Variants in ADAMTS17 observed in about 807,000 individuals in gnomAD.
The protein encoded by ADAMTS17 is ADAM metallopeptidase with thrombospondin type 1 motif 17.
A neutral mutation model predicts 141.5 loss-of-function variants in ADAMTS17; 113 were observed. The ratio of observed to expected loss-of-function variants is 0.80; its 90% CI spans 0.69 to 0.93. The LOEUF (loss-of-function observed/expected upper bound fraction) is 0.93, where lower values mean the gene tolerates loss of function less well. Ranked by LOEUF, ADAMTS17 falls within the 40% of genes least tolerant of loss-of-function variation. ADAMTS17 has a pLI of 0.00. For synonymous variants in ADAMTS17, 768 were observed against 630.6 expected, an observed-to-expected ratio of 1.22 and a Z score of -3.27; for missense variants, 1,659 against 1,517.9, an observed-to-expected ratio of 1.09 and a Z score of -1.54.
intron 18 of ADAMTS17, among the ~76,000 whole-genome samples, chr15:100,036,034 A>T (rs1467488011): frequency 6.6e-6 from 1 of 152,174 alleles, no homozygotes; most frequent in Non-Finnish European, 1.5e-5. Flanking sequence ...AAACCCAACC[A>T]GCCTATGGGA....
At chr15:100,327,550 G>A (rs749584580) in intron 3 of ADAMTS17, among the ~76,000 whole-genome samples, 2 of 152,150 alleles carry the variant, frequency 1.3e-5, no homozygotes, top group African/African-American at 2.4e-5. Context: ...TACACCATGG[G>A]GGAGGAGAGG....
At chr15:100,334,719 C>T (rs751619215) in intron 2 of ADAMTS17, among the ~76,000 whole-genome samples, 34 of 152,174 alleles carry the variant, frequency 2.2e-4, no homozygotes, top group Non-Finnish European at 4.6e-4. Context: ...CCCCCGGTCC[C>T]GCCGCCTCCT....
At chr15:100,286,959 G>A (rs1232813302) in intron 3 of ADAMTS17, among the ~76,000 whole-genome samples, 1 of 152,258 alleles carries the variant, frequency 6.6e-6, no homozygotes, top group Non-Finnish European at 1.5e-5. Context: ...CAAGGCCGAA[G>A]TGGGCGGATC....
chr15:100,288,071 G>A (rs1033273766), intron 3 of ADAMTS17, among the ~76,000 whole-genome samples: 2 of 152,124 alleles, frequency 1.3e-5, no homozygotes, highest in Non-Finnish European at 2.9e-5. Context: ...GTGACAAGTT[G>A]GATAAAGAAG....
At position 100,051,638 on chromosome 15, in the gene ADAMTS17, G is replaced by T. The variant is rs1281478854; in HGVS notation, c.2389C>A (p.Pro797Thr). 2 of 1,614,074 alleles carry T rather than the reference G, an allele frequency of 1.2e-6. No homozygotes were observed. Among genetic ancestry groups the T allele is most frequent in the Non-Finnish European group, 1.7e-6 (2 of 1,180,034 alleles). The change falls in exon 17 of 22, where the codon CCG (proline) becomes ACG (threonine). Residue 797 changes from proline to threonine, a missense_variant. Physicochemically the swap from Pro to Thr is conservative, Grantham distance 38. Coordinates refer to ENST00000268070, the MANE Select transcript of ADAMTS17 (RefSeq NM_139057.4). Reference sequence around the variant, plus strand: ...GTCCAGATGAACAAAGAGTCCTGCGGTTTTTCTGGTTCGCTTTGATTTTCC... The same window carrying T: ...GTCCAGATGAACAAAGAGTCCTGCGTTTTTTCTGGTTCGCTTTGATTTTCC... ...TAENQSEPEKPQDSLFIWTHS... is the reference protein window; with the variant it reads ...TAENQSEPEKTQDSLFIWTHS...
At chr15:100,139,100 C>T (rs1004164888) in intron 10 of ADAMTS17, among the ~76,000 whole-genome samples, 5 of 151,634 alleles carry the variant, frequency 3.3e-5, no homozygotes, top group Admixed American at 6.6e-5. Flanking sequence ...AACAGAAAAG[C>T]CAACGAAAAA....
At position 100,141,943 on chromosome 15, in the gene ADAMTS17, C is replaced by A. The variant is rs565864579; in HGVS notation, c.1474-8628G>T. On this transcript the variant is annotated intron_variant, in intron 10 of 21. Coordinates refer to ENST00000268070, the MANE Select transcript of ADAMTS17 (RefSeq NM_139057.4). The stretch of plus-strand genomic sequence containing the variant: ...CGTACAGCCCTGAGAGGGGCAAGGC[C>A]AGGCTCCGGGACCCCGCCAGCCACC... Among the ~76,000 whole-genome samples, 3 of 152,338 alleles carry A rather than the reference C, an allele frequency of 2.0e-5. No homozygotes were observed. In the East Asian group the frequency reaches 5.8e-4, roughly 29 times the overall value.
At chr15:100,197,488 C>T (rs1057221369) in intron 8 of ADAMTS17, among the ~76,000 whole-genome samples, 1 of 152,116 alleles carries the variant, frequency 6.6e-6, no homozygotes, top group Non-Finnish European at 1.5e-5. Context: ...CAGCAAATCA[C>T]TCTTGGATAC....
At chr15:100,110,460 T>G (rs1423940080) in intron 13 of ADAMTS17, among the ~76,000 whole-genome samples, 3 of 151,644 alleles carry the variant, frequency 2.0e-5, no homozygotes, top group Non-Finnish European at 4.4e-5. Flanking sequence ...GAGACACCGT[T>G]TCACCGTGTT....
At chr15:100,122,859 G>C (rs1263740027) in intron 12 of ADAMTS17, among the ~76,000 whole-genome samples, 2 of 152,204 alleles carry the variant, frequency 1.3e-5, no homozygotes, top group Admixed American at 6.5e-5. Flanking sequence ...AGGAGCAGCA[G>C]AGACAGAAAA....
intron 15 of ADAMTS17, among the ~76,000 whole-genome samples, chr15:100,080,960 G>A (rs2034694165): frequency 6.6e-6 from 1 of 152,160 alleles, no homozygotes; most frequent in Non-Finnish European, 1.5e-5. Context: ...AAGTTGACTT[G>A]GGGTGGACTT....
intron 8 of ADAMTS17, among the ~76,000 whole-genome samples, chr15:100,165,833 C>G (rs898322108): frequency 2.0e-5 from 3 of 152,162 alleles, no homozygotes; most frequent in African/African-American, 7.2e-5. Context: ...TCTGCCCCCC[C>G]TCAGGACAAA....
chr15:100,151,574 T>C (rs1315761324), intron 10 of ADAMTS17, among the ~76,000 whole-genome samples: 2 of 152,184 alleles, frequency 1.3e-5, no homozygotes, highest in Non-Finnish European at 2.9e-5. Flanking sequence ...TGCTTCTGAG[T>C]GCCAGTGCTG....
intron 7 of ADAMTS17, among the ~76,000 whole-genome samples, chr15:100,208,106 T>C (rs74694497): frequency 0.029 from 4,452 of 152,216 alleles, 214 homozygotes; most frequent in African/African-American, 0.1. Flanking sequence ...TCCAGGTCTG[T>C]TGCAAGCCTC....
intron 2 of ADAMTS17, among the ~76,000 whole-genome samples, chr15:100,340,581 G>A (rs574893788): frequency 1.3e-5 from 2 of 152,326 alleles, no homozygotes; most frequent in African/African-American, 4.8e-5. Flanking sequence ...TCAAAAGGAA[G>A]GGAGGTGAAT....
intron 15 of ADAMTS17, among the ~76,000 whole-genome samples, chr15:100,070,679 G>T (rs1409306368): frequency 6.7e-6 from 1 of 150,062 alleles, no homozygotes; most frequent in Non-Finnish European, 1.5e-5. Context: ...AAATAAAGAT[G>T]TTCTTTGACA....
intron 18 of ADAMTS17, among the ~76,000 whole-genome samples, chr15:100,032,661 C>T (rs1409035785): frequency 6.6e-6 from 1 of 152,154 alleles, no homozygotes; most frequent in East Asian, 1.9e-4. Flanking sequence ...TTTTTAATGC[C>T]ATGGCAGAAG....
At chr15:100,187,183 C>T (rs10152619) in intron 8 of ADAMTS17, among the ~76,000 whole-genome samples, 170 of 152,208 alleles carry the variant, frequency 1.1e-3, no homozygotes, top group Non-Finnish European at 1.5e-3. Context: ...GCCATTGAGA[C>T]GGAGATAAGC....
At position 100,096,381 on chromosome 15, in the gene ADAMTS17, G is replaced by A. The variant is rs4965583; in HGVS notation, c.2112C>T (p.Gly704=). The A allele has an allele frequency of 0.15, 247,831 of 1,613,660 alleles. 22,857 individuals carry two copies. The highest frequency in any genetic ancestry group is 0.46 in the East Asian group (20,582 of 44,856). The change falls in exon 15 of 22, where the codon GGC becomes GGT. Residue 704 remains glycine, a synonymous_variant. Coordinates refer to ENST00000268070, the MANE Select transcript of ADAMTS17 (RefSeq NM_139057.4). ...CTGTCCCCCGGGCGTGGCTGAAGTC[G>A]CCCTTCACCAAGTGGCAGGTCTTGC... ...GDGKTCHLVK[G]DFSHARGTAL...
Sources: allele counts gnomAD v4.1 joint callset (sites outside exome capture counted in the v4.1 genomes callset), GRCh38; gene constraint gnomAD v4.1.1; transcripts MANE v1.5; gene names NCBI Gene and HGNC (gene_info 2026-07-23, HGNC 2026-07-21).